AK5: variants seen among roughly 807,000 people sequenced by gnomAD.
AK5 encodes the protein adenylate kinase isoenzyme 5.
AK5 carries 27 observed loss-of-function variants against 69.5 expected under a neutral mutation model. The observed-to-expected ratio is 0.39, with a 90% confidence interval of 0.29 to 0.54. AK5 has a LOEUF of 0.54. AK5 is among the 20% of genes least tolerant of loss of function. AK5 has a pLI of 0.71. For synonymous variants in AK5, 260 were observed against 244.4 expected (o/e 1.06, Z -0.60); for missense variants, 531 against 700.4 (o/e 0.76, Z 2.73).
At chr1:77,372,514 A>G (rs1318598934) in intron 6 of AK5, among the ~76,000 whole-genome samples, 1 of 152,242 alleles carries the variant, frequency 6.6e-6, no homozygotes, top group Non-Finnish European at 1.5e-5. Flanking sequence ...CTGAAAAAGA[A>G]GTATGACTCT....
chr1:77,328,041 A>G (rs1479237536), intron 5 of AK5, among the ~76,000 whole-genome samples: 32 of 152,234 alleles, frequency 2.1e-4, no homozygotes, highest in Non-Finnish European at 4.0e-4. Flanking sequence ...CTTCACTTCT[A>G]GCTCATAATA....
chr1:77,341,122 A>G (rs565515244), intron 6 of AK5, among the ~76,000 whole-genome samples: 1 of 152,362 alleles, frequency 6.6e-6, no homozygotes, highest in South Asian at 2.1e-4. Flanking sequence ...CAATGCAAAT[A>G]TTAATGTTTT....
At chr1:77,282,646 C>T in intron 1 of AK5, 1 of 1,210,080 alleles carries the variant, frequency 8.3e-7, no homozygotes, top group Non-Finnish European at 1.0e-6. Context: ...CCATCGCGCC[C>T]CTCGGATGTG....
At chr1:77,394,884 A>G (rs1648731644) in intron 6 of AK5, among the ~76,000 whole-genome samples, 1 of 151,988 alleles carries the variant, frequency 6.6e-6, no homozygotes, top group South Asian at 2.1e-4. Context: ...GAATTCAAGA[A>G]TTTACTGGGA....
chr1:77,326,732 C>A (rs1222313027), intron 5 of AK5, among the ~76,000 whole-genome samples: 2 of 152,012 alleles, frequency 1.3e-5, no homozygotes, highest in African/African-American at 2.4e-5. Flanking sequence ...TGAATAGATG[C>A]AATATGTGTG....
At chr1:77,308,546 T>C (rs544472435) in intron 5 of AK5, among the ~76,000 whole-genome samples, 1 of 152,164 alleles carries the variant, frequency 6.6e-6, no homozygotes, top group East Asian at 1.9e-4. Flanking sequence ...CTAAGATCTT[T>C]TCACTGCCAA....
Position 77,448,834 on chromosome 1 carries a change from G to A in AK5, c.1059+31119G>A, listed in dbSNP as rs549262338. On this transcript the variant is annotated intron_variant, in intron 8 of 13. Coordinates refer to ENST00000354567, the MANE Select transcript of AK5 (RefSeq NM_174858.3). ...GAGGCTCTGTGGTTCCAGTGTCTCC[G>A]AGCTTCCAGGTGCCACCATGTTCCC... 1.1e-4 allele frequency among the ~76,000 whole-genome samples: 16 copies of A among 152,268 alleles called. No homozygotes were observed. The South Asian group carries it at 1.2e-3, about 12-fold the overall frequency.
At chr1:77,359,533 A>G (rs1009914413) in intron 6 of AK5, among the ~76,000 whole-genome samples, 1 of 148,002 alleles carries the variant, frequency 6.8e-6, no homozygotes, top group Admixed American at 6.9e-5. Flanking sequence ...ACTGTTGATA[A>G]TCTGAAAAAA....
Position 77,312,664 on chromosome 1 carries a change from T to A in AK5, c.699+14717T>A, listed in dbSNP as rs147607579. 2.3e-3 allele frequency among the ~76,000 whole-genome samples: 355 copies of A among 151,260 alleles called. 3 individuals carry two copies. The highest frequency in any genetic ancestry group is 7.4e-4 in the Non-Finnish European group (50 of 67,838). ...CCTTAAGCAATCTGGTTCATTCACA[T>A]CACCACGGATGCAATCAGCACAGAC... On this transcript the variant is annotated intron_variant, in intron 5 of 13. Coordinates refer to ENST00000354567, the MANE Select transcript of AK5 (RefSeq NM_174858.3).
rs562457759 is a variant in AK5 at position 77,380,630 on chromosome 1, G to A, written c.892-30351G>A. Among the ~76,000 whole-genome samples, 13 of 152,314 alleles carry A rather than the reference G, an allele frequency of 8.5e-5. No individual in the cohort carries two copies. The East Asian group carries it at 2.5e-3, about 29-fold the overall frequency. ...GGCACTGTGCTAAATAAGCACTGGGGAGTGCAAATATGACTAAGACATGAT... is the reference window on the plus strand; with the variant it reads ...GGCACTGTGCTAAATAAGCACTGGGAAGTGCAAATATGACTAAGACATGAT... On this transcript the variant is annotated intron_variant, in intron 6 of 13. Coordinates refer to ENST00000354567, the MANE Select transcript of AK5 (RefSeq NM_174858.3).
rs571583779 is a variant in AK5, at chr1:77,282,183, G to A, written c.-131G>A. Reference sequence around the variant, plus strand: ...CTGGCCTGGGCGGAGAGGCTGAGCTGAGTGCGCGTGAGAAAGAGGGCTGCA... The same window carrying A: ...CTGGCCTGGGCGGAGAGGCTGAGCTAAGTGCGCGTGAGAAAGAGGGCTGCA... On this transcript the variant is annotated 5_prime_UTR_variant, in exon 1 of 14. Coordinates refer to ENST00000354567, the MANE Select transcript of AK5 (RefSeq NM_174858.3). 43 of 779,176 alleles carry A rather than the reference G, an allele frequency of 5.5e-5. No individual in the cohort carries two copies. The South Asian group carries it at 8.4e-4, about 15-fold the overall frequency. The allele number at this position is 779,176 out of a possible 1,614,324, so 48.3% of individuals were successfully genotyped here. A position where few individuals can be genotyped will look rare whatever the true frequency, so the allele number is the denominator to read the frequency against.
chr1:77,445,945 A>G (rs1013398786), intron 8 of AK5, among the ~76,000 whole-genome samples: 9 of 152,180 alleles, frequency 5.9e-5, no homozygotes, highest in African/African-American at 2.2e-4. Flanking sequence ...ATGTAGTTCC[A>G]TGTATTTATT....
At chr1:77,522,425 G>A (rs1003200261) in intron 12 of AK5, among the ~76,000 whole-genome samples, 3 of 152,162 alleles carry the variant, frequency 2.0e-5, no homozygotes, top group South Asian at 2.1e-4. Flanking sequence ...CAGCCTGGAG[G>A]ACCAAGGAAG....
At chr1:77,368,234 TA>T (rs1183968118) in intron 6 of AK5, among the ~76,000 whole-genome samples, 861 of 3,706 alleles carry the variant, frequency 0.23, 72 homozygotes, top group African/African-American at 0.27. Context: ...TATATATATA[TA>T]TATATATATA....
In AK5 at chr1:77,297,848, A is replaced by T; in HGVS notation, c.600A>T (p.Thr200=). 6.2e-7 allele frequency: 1 copy of T among 1,611,124 alleles called. No individual in the cohort carries two copies. Among genetic ancestry groups the T allele is most frequent in the South Asian group, 1.1e-5 (1 of 89,892 alleles). ...GELAPQETTI[T]EIKQKLMQIP... ...GTTTATAAAAGGAAACAACAATTAC[A>T]GAGATAAAACAAAAATTGATGCAAA... is the stretch of plus-strand genomic sequence containing the variant. The change falls in exon 5 of 14, where the codon ACA becomes ACT. Residue 200 remains threonine, a synonymous_variant. Transcript: ENST00000354567.
intron 8 of AK5, among the ~76,000 whole-genome samples, chr1:77,433,149 T>C (rs569689674): frequency 6.6e-6 from 1 of 152,284 alleles, no homozygotes; most frequent in African/African-American, 2.4e-5. Flanking sequence ...TGCAGCCAAA[T>C]ATTGAAGAAA....
chr1:77,545,332 G>A (rs924861168), intron 13 of AK5, among the ~76,000 whole-genome samples: 2 of 151,972 alleles, frequency 1.3e-5, no homozygotes, highest in Admixed American at 6.6e-5. Flanking sequence ...CACAACCATG[G>A]TGGGGGAGGG....
At chr1:77,484,518 T>C (rs1252047356) in intron 9 of AK5, among the ~76,000 whole-genome samples, 4 of 152,190 alleles carry the variant, frequency 2.6e-5, no homozygotes, top group African/African-American at 9.6e-5. Flanking sequence ...AATGACATCT[T>C]GGTGATTCAT....
intron 6 of AK5, among the ~76,000 whole-genome samples, chr1:77,405,650 G>A (rs572778692): frequency 1.3e-5 from 2 of 152,308 alleles, no homozygotes; most frequent in Non-Finnish European, 1.5e-5. Flanking sequence ...GCTTCCCAGT[G>A]GCTGCTCAGA....
Sources: gnomAD v4.1 joint callset for allele counts (sites outside exome capture counted in the v4.1 genomes callset) on GRCh38, gnomAD v4.1.1 for gene constraint, MANE v1.5 for transcripts, NCBI Gene and HGNC (gene_info 2026-07-23, HGNC 2026-07-21) for gene names.